The following LRRK1 variants were observed in gnomAD, a reference collection of about 807,000 sequenced individuals.
LRRK1 encodes leucine rich repeat kinase 1, also known as leucine-rich repeat serine/threonine-protein kinase 1.
LRRK1 carries 113 observed loss-of-function variants against 209.1 expected under a neutral mutation model. The observed-to-expected ratio is 0.54, with a 90% CI of 0.46 to 0.63. LRRK1 has a LOEUF of 0.63. Ranked by LOEUF, LRRK1 falls within the 30% of genes least tolerant of loss-of-function variation. The pLI is 0.00. For synonymous variants in LRRK1, 1,144 were observed against 1,099.7 expected (o/e 1.04, Z -0.80); for missense variants, 2,284 against 2,632.2 (o/e 0.87, Z 2.89).
intron 4 of LRRK1, among the ~76,000 whole-genome samples, chr15:100,984,480 ATCCC>A (rs1170307242): frequency 4.8e-4 from 9 of 18,850 alleles, no homozygotes; most frequent in South Asian, 1.7e-3. Context: ...CCCTGGCCCC[ATCCC>A]TCCCTCCCTC....
chr15:101,066,968 T>G (rs1048231478), intron 33 of LRRK1, among the ~76,000 whole-genome samples: 4 of 152,230 alleles, frequency 2.6e-5, no homozygotes, highest in African/African-American at 7.2e-5. Context: ...AGTGCACCTG[T>G]AGATCAAGTA....
At chr15:101,020,475 A>G (rs2033730039) in intron 12 of LRRK1, among the ~76,000 whole-genome samples, 1 of 150,828 alleles carries the variant, frequency 6.6e-6, no homozygotes, top group Non-Finnish European at 1.5e-5. Flanking sequence ...CCCAGGTTCA[A>G]GTAATTCTCC....
rs1596366799 is a variant in LRRK1 at position 101,068,526 on chromosome 15, A to T, written c.5871-145A>T. On this transcript the variant is annotated intron_variant, in intron 33 of 33. Transcript: ENST00000388948. ...CCACTGGGGAGAAGTGGTGCATCTCAGCACACCCCAGAGAGGGCTGGCAAG... is the reference window on the plus strand; with the variant it reads ...CCACTGGGGAGAAGTGGTGCATCTCTGCACACCCCAGAGAGGGCTGGCAAG... The T allele has an allele frequency of 7.9e-6, 6 of 763,904 alleles. No individual in the cohort carries two copies. In the East Asian group the frequency reaches 1.7e-4, roughly 22 times the overall value. 47.3% of individuals were successfully genotyped at this position (763,904 alleles called of 1,614,324 possible). A position where few individuals can be genotyped will look rare whatever the true frequency, so the allele number is the denominator to read the frequency against.
At chr15:100,927,784 C>T (rs917610018) in intron 2 of LRRK1, among the ~76,000 whole-genome samples, 8 of 152,214 alleles carry the variant, frequency 5.3e-5, no homozygotes, top group Non-Finnish European at 7.3e-5. Flanking sequence ...TACCCATACT[C>T]AGAGTTTTAA....
In LRRK1 at chr15:101,027,923, C is replaced by T; in HGVS notation, c.2686+126C>T. 1 of 821,072 alleles carries T rather than the reference C, an allele frequency of 1.2e-6. No homozygotes were observed. Among genetic ancestry groups the T allele is most frequent in the East Asian group, 2.8e-5 (1 of 36,040 alleles). The allele number at this position is 821,072 out of a possible 1,614,324, so 50.9% of individuals were successfully genotyped here. The stretch of plus-strand genomic sequence containing the variant: ...CCCAGCCTGCGTTTCTGCCTTCCAT[C>T]CCCCTCCCCTTCCTTCTTCCCTCTC... On this transcript the variant is annotated intron_variant, in intron 19 of 33. Transcript: ENST00000388948. This position sits in a 1 kb window ranked among gnomAD's most constrained non-coding sequence, Gnocchi z 5.1.
chr15:100,974,001 C>T (rs1596222731), intron 3 of LRRK1, 34 bp downstream of exon 3: 2 of 1,242,724 alleles, frequency 1.6e-6, no homozygotes. Flanking sequence ...GCCACCCATG[C>T]AGCCCCGGGC....
At chr15:100,945,343 C>G (rs1365830322) in intron 2 of LRRK1, among the ~76,000 whole-genome samples, 1 of 152,110 alleles carries the variant, frequency 6.6e-6, no homozygotes, top group African/African-American at 2.4e-5. Flanking sequence ...TTTGCTTTTT[C>G]CTAATGTGAT....
Position 101,053,501 on chromosome 15 carries a change from C to T in LRRK1, c.4054+81C>T, listed in dbSNP as rs566423231. ...TCCTGCCTGGCACGGGGGGTAGAGC[C>T]TCAGGTGGCCTTGGCAAGCCCAGGG... On this transcript the variant is annotated intron_variant, in intron 26 of 33. Coordinates refer to ENST00000388948, the MANE Select transcript of LRRK1 (RefSeq NM_024652.6). 50 of 1,286,352 alleles carry T rather than the reference C, an allele frequency of 3.9e-5. No individual in the cohort carries two copies. The East Asian group carries it at 7.6e-4, about 20-fold the overall frequency. 79.7% of individuals were successfully genotyped at this position (1,286,352 alleles called of 1,614,324 possible).
At chr15:100,941,934 C>T (rs1290055609) in intron 2 of LRRK1, among the ~76,000 whole-genome samples, 1 of 152,210 alleles carries the variant, frequency 6.6e-6, no homozygotes, top group Non-Finnish European at 1.5e-5. Flanking sequence ...CCTGGGGACC[C>T]TCTTGCTTCC....
rs1030043453 is a variant in LRRK1, at chr15:101,069,998, C to A, written c.*1150C>A. 1 of 152,198 alleles carries A rather than the reference C, an allele frequency of 6.6e-6. No individual in the cohort carries two copies. The highest frequency in any genetic ancestry group is 6.5e-5 in the Admixed American group (1 of 15,278). 9.4% of individuals were successfully genotyped at this position (152,198 alleles called of 1,614,324 possible). On this transcript the variant is annotated 3_prime_UTR_variant, in exon 34 of 34. Transcript: ENST00000388948. ...GTTTGAAAGAGAGATCATACTCCAGCTGAAGTTTGTTGACCCTTTTCTAAA... is the reference window on the plus strand; with the variant it reads ...GTTTGAAAGAGAGATCATACTCCAGATGAAGTTTGTTGACCCTTTTCTAAA...
rs1262320425 is a variant in LRRK1 at position 101,070,299 on chromosome 15, C to A, written c.*1451C>A. On this transcript the variant is annotated 3_prime_UTR_variant, in exon 34 of 34. Transcript: ENST00000388948. ...AGTCACAGGCTTGGAAAAAGCGAGT[C>A]CCCCCACTCTTTTTTTTTTTTTTTT... is the stretch of plus-strand genomic sequence containing the variant. The A allele has an allele frequency of 6.8e-6, 1 of 147,700 alleles. No individual in the cohort carries two copies. The highest frequency in any genetic ancestry group is 2.5e-5 in the African/African-American group (1 of 39,900). 9.1% of individuals were successfully genotyped at this position (147,700 alleles called of 1,614,324 possible).
At chr15:100,950,830 G>A (rs1026370814) in intron 2 of LRRK1, among the ~76,000 whole-genome samples, 10 of 152,362 alleles carry the variant, frequency 6.6e-5, no homozygotes, top group South Asian at 6.2e-4. Context: ...CAGGCCGGGC[G>A]CGGTGGCTCG....
At chr15:100,996,708 T>C (rs1030686464) in intron 6 of LRRK1, among the ~76,000 whole-genome samples, 1 of 152,230 alleles carries the variant, frequency 6.6e-6, no homozygotes, top group African/African-American at 2.4e-5. Flanking sequence ...CGTGGCAGAA[T>C]AAGTGAAGGG....
chr15:100,937,198 A>C (rs2141604391), intron 2 of LRRK1, among the ~76,000 whole-genome samples: 1 of 152,322 alleles, frequency 6.6e-6, no homozygotes, highest in Admixed American at 6.5e-5. Context: ...ATGGTTCAGG[A>C]TTTTAAAATA....
Position 101,041,082 on chromosome 15 carries a change from T to C in LRRK1, c.2964-4899T>C, listed in dbSNP as rs113163469. ...TATATATTTTGAAGCCATTATTGGT[T>C]ACATATACACATTGGTGTCATGCCT... is the stretch of plus-strand genomic sequence containing the variant. On this transcript the variant is annotated intron_variant, in intron 20 of 33. Transcript: ENST00000388948. 5.5e-3 allele frequency among the ~76,000 whole-genome samples: 841 copies of C among 152,392 alleles called. 5 individuals carry two copies. Among genetic ancestry groups the C allele is most frequent in the African/African-American group, 0.019 (806 of 41,594 alleles).
Position 100,924,659 on chromosome 15 carries a change from C to T in LRRK1, c.27C>T (p.Pro9=). Residue 9 remains proline, a synonymous_variant, in exon 2 of 34, where the codon CCC becomes CCT. Coordinates refer to ENST00000388948, the MANE Select transcript of LRRK1 (RefSeq NM_024652.6). MAGMSQRP[P]SMYWCVGPEE... is the part of the protein sequence containing the mutation. ...TGGCTGGCATGTCGCAAAGACCCCC[C>T]AGCATGTACTGGTGTGTGGGGCCGG... 1 of 1,614,190 alleles carries T rather than the reference C, an allele frequency of 6.2e-7. No individual in the cohort carries two copies. Among genetic ancestry groups the T allele is most frequent in the Non-Finnish European group, 8.5e-7 (1 of 1,180,040 alleles).
Position 101,065,828 on chromosome 15 carries a change from G to T in LRRK1, c.5391G>T (p.Pro1797=). 1 of 1,614,000 alleles carries T rather than the reference G, an allele frequency of 6.2e-7. No individual in the cohort carries two copies. The highest frequency in any genetic ancestry group is 8.5e-7 in the Non-Finnish European group (1 of 1,180,010). The stretch of plus-strand genomic sequence containing the variant: ...TGCGGCCCTTGGACACGGAACCCCC[G>T]GCAGCCAGCCACACGGCCAACCCAA... ...FPVRPLDTEP[P]AASHTANPKV... The change falls in exon 32 of 34, where the codon CCG becomes CCT. Residue 1797 remains proline, a synonymous_variant. Transcript: ENST00000388948.
chr15:101,026,008 T>G lies in LRRK1; in HGVS notation c.2276T>G (p.Leu759Arg), dbSNP rs1014001464. The G allele has an allele frequency of 1.2e-6, 2 of 1,614,234 alleles. No homozygotes were observed. Among genetic ancestry groups the G allele is most frequent in the Non-Finnish European group, 1.7e-6 (2 of 1,180,040 alleles). The change falls in exon 17 of 34, where the codon CTG becomes CGG. Residue 759 changes from leucine to arginine, a missense_variant. By Grantham distance (102) the Leu-to-Arg change is moderately radical (BLOSUM62 -2). Around this residue, in one of 6 missense-constraint regions of LRRK1, gnomAD observed 780 missense variants for 985.2 expected, o/e 0.79. Transcript: ENST00000388948. Reference protein sequence around the residue: ...NAVVLVVGTHLDLIEAKFRVE... With the variant: ...NAVVLVVGTHRDLIEAKFRVE... ...GTGGTGCTGGTGGTCGGGACGCACC[T>G]GGATTTAATTGAAGCCAAGTTCCGT...
At position 101,024,457 on chromosome 15, in the gene LRRK1, A is replaced by ACATCACAGGGAGGCTGTGAC. The variant is rs2033930565; in HGVS notation, c.2068-346_2068-345insCATCACAGGGAGGCTGTGAC. On this transcript the variant is annotated intron_variant, in intron 15 of 33. Coordinates refer to ENST00000388948, the MANE Select transcript of LRRK1 (RefSeq NM_024652.6). The surrounding 1 kb of genome is among the most constrained non-coding windows in gnomAD (Gnocchi z 4.6). ...CTTGCCCTGGCACACAGGGAGGCTGAACCCCAGTGCAAGCCGTGACATCAG... is the reference window on the plus strand; with the variant it reads ...CTTGCCCTGGCACACAGGGAGGCTGACATCACAGGGAGGCTGTGACACCCCAGTGCAAGCCGTGACATCAG... 6.6e-6 allele frequency among the ~76,000 whole-genome samples: 1 copy of ACATCACAGGGAGGCTGTGAC among 152,142 alleles called. No individual in the cohort carries two copies. Among genetic ancestry groups the ACATCACAGGGAGGCTGTGAC allele is most frequent in the African/African-American group, 2.4e-5 (1 of 41,428 alleles).
Sources: gnomAD v4.1 joint callset for allele counts (sites outside exome capture counted in the v4.1 genomes callset) on GRCh38, gnomAD v4.1.1 for gene constraint, gnomAD v4.1.1 regional missense constraint, Gnocchi (gnomAD v3.1) non-coding constraint, MANE v1.5 for transcripts, NCBI Gene and HGNC (gene_info 2026-07-23, HGNC 2026-07-21) for gene names.